Variants in MIA2 observed in about 807,000 individuals in gnomAD.
The protein encoded by MIA2 is MIA SH3 domain ER export factor 2.
A neutral mutation model predicts 167.8 loss-of-function variants in MIA2; 127 were observed. The observed-to-expected ratio is 0.76, with a 90% CI of 0.66 to 0.88. MIA2 has a LOEUF of 0.88. Ranked by LOEUF, MIA2 falls within the 40% of genes least tolerant of loss-of-function variation. The probability of loss-of-function intolerance (pLI) is 0.00; values close to 1 mark genes in which losing one functional copy is unlikely to be tolerated. For missense variants in MIA2, 1,690 were observed against 1,624.7 expected, an observed-to-expected ratio of 1.04 and a Z score of -0.69; for synonymous variants, 552 against 541.9, an observed-to-expected ratio of 1.02 and a Z score of -0.26.
intron 18 of MIA2, among the ~76,000 whole-genome samples, chr14:39,311,934 A>T (rs571209206): frequency 5.6e-4 from 84 of 150,904 alleles, no homozygotes; most frequent in Non-Finnish European, 1.0e-3. Flanking sequence ...GGTTCAAGCA[A>T]TTCTCCTGCC....
intron 6 of MIA2, chr14:39,269,150 C>A (rs7150735): frequency 0.28 from 201,955 of 724,342 alleles, 29,815 homozygotes; most frequent in East Asian, 0.51. Flanking sequence ...AACATTGTTC[C>A]GCTTTAAATT....
At chr14:39,248,928 G>A (rs756377490) in intron 4 of MIA2, among the ~76,000 whole-genome samples, 3 of 152,002 alleles carry the variant, frequency 2.0e-5, no homozygotes, top group African/African-American at 4.8e-5. Flanking sequence ...TTGTAGAGAC[G>A]GGGTTTCACT....
At chr14:39,354,687 G>T (rs1403332867), downstream of MIA2, among the ~76,000 whole-genome samples, 1 of 152,088 alleles carries the variant, frequency 6.6e-6, no homozygotes, top group African/African-American at 2.4e-5. Context: ...GGTTTTTATG[G>T]TTTTAGGTCT....
At chr14:39,321,386 T>C (rs1265870633) in intron 24 of MIA2, among the ~76,000 whole-genome samples, 1 of 152,190 alleles carries the variant, frequency 6.6e-6, no homozygotes, top group Non-Finnish European at 1.5e-5. Flanking sequence ...CGATCTTGGC[T>C]CATTGCAGGC....
chr14:39,325,067 A>G (rs1487494250), intron 24 of MIA2, among the ~76,000 whole-genome samples: 2 of 152,266 alleles, frequency 1.3e-5, no homozygotes, highest in East Asian at 3.9e-4. Flanking sequence ...TACAAAAAAT[A>G]CAACAATTAA....
At chr14:39,289,969 C>T (rs559570914) in intron 9 of MIA2, among the ~76,000 whole-genome samples, 21 of 152,200 alleles carry the variant, frequency 1.4e-4, no homozygotes, top group Non-Finnish European at 7.3e-5. Flanking sequence ...CGTCTTGCCT[C>T]CTCCTTTTAA....
At chr14:39,238,783 G>A in intron 2 of MIA2, among the ~76,000 whole-genome samples, 1 of 2,934 alleles carries the variant, frequency 3.4e-4, no homozygotes, top group Non-Finnish European at 9.2e-4. Context: ...TACAAAGTGA[G>A]ACCCTGTCTC....
intron 6 of MIA2, chr14:39,266,074 A>C (rs1261378913): frequency 2.0e-6 from 2 of 985,340 alleles, no homozygotes; most frequent in Non-Finnish European, 2.4e-6. Context: ...AAATGGCATA[A>C]CAGTTCGTTG....
chr14:39,270,025 T>G (rs2056843643), intron 6 of MIA2, among the ~76,000 whole-genome samples: 1 of 152,148 alleles, frequency 6.6e-6, no homozygotes, highest in Admixed American at 6.6e-5. Context: ...ATGTTTAACT[T>G]TTTGAGAACT....
At chr14:39,357,639 T>C (rs1326593131) in intron 23 of MIA2, among the ~76,000 whole-genome samples, 1 of 152,228 alleles carries the variant, frequency 6.6e-6, no homozygotes, top group Non-Finnish European at 1.5e-5. Flanking sequence ...TGCACTTTCT[T>C]CCTAGCCTCG....
At chr14:39,302,277 G>C (rs747690130) in intron 15 of MIA2, 28 bp downstream of exon 15, 72 of 1,607,900 alleles carry the variant, frequency 4.5e-5, no homozygotes, top group Non-Finnish European at 5.9e-5. Context: ...ATCTCCTTTT[G>C]CTAAAATGGT....
intron 6 of MIA2, among the ~76,000 whole-genome samples, chr14:39,275,631 T>C (rs191690783): frequency 3.3e-5 from 5 of 152,234 alleles, no homozygotes; most frequent in African/African-American, 9.6e-5. Flanking sequence ...GTGCGTCTTA[T>C]GTGTTGAATA....
chr14:39,335,958 A>G (rs915627286), intron 25 of MIA2, among the ~76,000 whole-genome samples: 4 of 152,204 alleles, frequency 2.6e-5, no homozygotes, highest in Non-Finnish European at 4.4e-5. Flanking sequence ...ATGGCTGTGT[A>G]GTATTCTATG....
At chr14:39,382,146 CCTT>C (rs2075178232) in intron 23 of MIA2, among the ~76,000 whole-genome samples, 1 of 152,192 alleles carries the variant, frequency 6.6e-6, no homozygotes, top group South Asian at 2.1e-4. Context: ...GGAAAACTCA[CCTT>C]TCTTGTTGGA....
At position 39,252,972 on chromosome 14, in the gene MIA2, A is replaced by G. The variant is rs2054644040; in HGVS notation, c.1786+6A>G. ...AAATTATATTTCTCAGAAAGGTAAG[A>G]AACAGGTTATTTATTCTCTAATGCA... On this transcript the variant is annotated splice_donor_region_variant and intron_variant, in intron 5 of 28. Coordinates refer to ENST00000640607, the MANE Select transcript of MIA2 (RefSeq NM_001329214.4). 6.3e-7 allele frequency: 1 copy of G among 1,595,558 alleles called. No homozygotes were observed.
At chr14:39,308,228 A>C (rs1211054284) in intron 17 of MIA2, among the ~76,000 whole-genome samples, 1 of 152,190 alleles carries the variant, frequency 6.6e-6, no homozygotes, top group Non-Finnish European at 1.5e-5. Context: ...CTATATTGAA[A>C]TATCACACTG....
intron 3 of MIA2, among the ~76,000 whole-genome samples, chr14:39,244,281 C>G (rs2054191329): frequency 6.6e-6 from 1 of 152,200 alleles, no homozygotes; most frequent in Admixed American, 6.5e-5. Flanking sequence ...CTTTCTATGA[C>G]TAGCCTCAGG....
intron 1 of MIA2, among the ~76,000 whole-genome samples, chr14:39,236,213 T>A (rs1287090847): frequency 6.6e-6 from 1 of 152,156 alleles, no homozygotes; most frequent in Non-Finnish European, 1.5e-5. Flanking sequence ...CTAGTAAGGA[T>A]AATAGGCAAT....
Position 39,338,561 on chromosome 14 carries a change from TGTAA to T in MIA2, c.3656-7340_3656-7337del, listed in dbSNP as rs535173051. 3.0e-3 allele frequency among the ~76,000 whole-genome samples: 454 copies of T among 152,278 alleles called. 2 individuals are homozygous for T. The highest frequency in any genetic ancestry group is 9.7e-3 in the African/African-American group (405 of 41,554). On this transcript the variant is annotated intron_variant, in intron 25 of 28. Transcript: ENST00000640607. Reference sequence around the variant, plus strand: ...TAGCAGAAAAAATGTTCTTGAATAATGTAAGTGAGTTGATAATATTCACATATCA... The same window carrying T: ...TAGCAGAAAAAATGTTCTTGAATAATGTGAGTTGATAATATTCACATATCA...
Sources: gnomAD v4.1 joint callset for allele counts (sites outside exome capture counted in the v4.1 genomes callset) on GRCh38, gnomAD v4.1.1 for gene constraint, MANE v1.5 for transcripts, NCBI Gene and HGNC (gene_info 2026-07-23, HGNC 2026-07-21) for gene names.